The following RBM6 variants were observed in gnomAD, a reference collection of about 807,000 sequenced individuals.
RBM6 encodes the protein RNA binding motif protein 6.
A neutral mutation model predicts 140.4 loss-of-function variants in RBM6; 23 were observed. The ratio of observed to expected loss-of-function variants is 0.16; its 90% confidence interval spans 0.12 to 0.23. The LOEUF (loss-of-function observed/expected upper bound fraction) is 0.23, where lower values mean the gene tolerates loss of function less well. RBM6 is among the 10% of genes least tolerant of loss of function. RBM6 has a pLI of 1.00. For missense variants in RBM6, 1,139 were observed against 1,386.7 expected (o/e 0.82, Z 2.84); for synonymous variants, 439 against 475.6 (o/e 0.92, Z 1.00).
intron 5 of RBM6, among the ~76,000 whole-genome samples, chr3:49,977,755 A>C (rs572873145): frequency 6.6e-6 from 1 of 152,228 alleles, no homozygotes; most frequent in African/African-American, 2.4e-5. Context: ...TAGGTCTTAC[A>C]TATCTGTTGA....
chr3:50,008,239 G>A (rs2086676288), intron 6 of RBM6, among the ~76,000 whole-genome samples: 1 of 152,064 alleles, frequency 6.6e-6, no homozygotes, highest in African/African-American at 2.4e-5. Context: ...CAGTTTTAAG[G>A]GAACCTTCTG....
intron 6 of RBM6, among the ~76,000 whole-genome samples, chr3:50,011,600 A>G (rs934924202): frequency 4.6e-5 from 7 of 152,260 alleles, no homozygotes; most frequent in Admixed American, 3.3e-4. Flanking sequence ...TGCTCTCCAC[A>G]TATGTCTTTC....
At chr3:50,025,294 G>A (rs1476717939) in intron 6 of RBM6, among the ~76,000 whole-genome samples, 1 of 151,386 alleles carries the variant, frequency 6.6e-6, no homozygotes, top group Non-Finnish European at 1.5e-5. Context: ...GTGGTGATGG[G>A]CACCTGTAAT....
At chr3:50,016,914 C>T (rs2087192874) in intron 6 of RBM6, among the ~76,000 whole-genome samples, 1 of 151,338 alleles carries the variant, frequency 6.6e-6, no homozygotes, top group Non-Finnish European at 1.5e-5. Flanking sequence ...CAATCTCTGC[C>T]TCCCGGGTTC....
intron 20 of RBM6, among the ~76,000 whole-genome samples, chr3:50,076,274 A>G (rs1050685560): frequency 6.6e-6 from 1 of 150,612 alleles, no homozygotes; most frequent in African/African-American, 2.4e-5. Flanking sequence ...CGGCCAAAAG[A>G]TTCTTTAAAA....
chr3:49,966,219 A>G (rs1025688326), intron 2 of RBM6, among the ~76,000 whole-genome samples: 6 of 152,240 alleles, frequency 3.9e-5, no homozygotes, highest in African/African-American at 1.4e-4. Context: ...GAATTTTAGT[A>G]TAGTAGCATA....
Position 49,968,452 on chromosome 3 carries a change from G to A in RBM6, c.1027G>A (p.Glu343Lys). The change falls in exon 3 of 21, where the codon GAA becomes AAA. Residue 343 changes from glutamate to lysine, a missense_variant. Around this residue, in one of 9 missense-constraint regions of RBM6, gnomAD observed 566 missense variants for 612.7 expected, o/e 0.92. Transcript: ENST00000266022. ...TGAGCATTCAGAAACAAGAGAAGGA[G>A]AAACACAAGGTGTAGCCTTTGAACA... is the stretch of plus-strand genomic sequence containing the variant. ...EFEHSETREGETQGVAFEHES... is the reference protein window; with the variant it reads ...EFEHSETREGKTQGVAFEHES... The A allele has an allele frequency of 6.2e-7, 1 of 1,614,196 alleles. No individual in the cohort carries two copies.
At chr3:50,033,036 C>G (rs1406986890) in intron 6 of RBM6, among the ~76,000 whole-genome samples, 1 of 151,764 alleles carries the variant, frequency 6.6e-6, no homozygotes, top group Non-Finnish European at 1.5e-5. Context: ...CAAGCTCATG[C>G]CTGTAATCAC....
At chr3:49,942,415 A>G (rs531550495) in intron 1 of RBM6, among the ~76,000 whole-genome samples, 2 of 149,562 alleles carry the variant, frequency 1.3e-5, no homozygotes, top group African/African-American at 4.9e-5. Flanking sequence ...TGTGAACCCG[A>G]GAGGCGGAGC....
intron 6 of RBM6, among the ~76,000 whole-genome samples, chr3:50,024,790 AAAAAT>A (rs1431981900): frequency 6.6e-6 from 1 of 152,090 alleles, no homozygotes; most frequent in African/African-American, 2.4e-5. Context: ...CGTCTCTACT[AAAAAT>A]ACAAAAAATT....
chr3:50,056,775 A>G (rs991627340), intron 8 of RBM6, among the ~76,000 whole-genome samples: 1 of 152,218 alleles, frequency 6.6e-6, no homozygotes, highest in African/African-American at 2.4e-5. Flanking sequence ...ATGTGCCCCT[A>G]ATTATAAAAC....
chr3:49,974,391 A>G lies in RBM6; in HGVS notation c.1414-932A>G, dbSNP rs1458442820. Among the ~76,000 whole-genome samples the G allele has an allele frequency of 3.2e-3, 425 of 132,658 alleles. 3 individuals carry two copies. Among genetic ancestry groups the G allele is most frequent in the African/African-American group, 0.011 (389 of 34,532 alleles). The allele number at this position is 132,658 out of a possible 152,430, so 87.0% of individuals were successfully genotyped here. On this transcript the variant is annotated intron_variant, in intron 4 of 20. Coordinates refer to ENST00000266022, the MANE Select transcript of RBM6 (RefSeq NM_005777.3). ...CTGGCTAATTTTTTTTTTTTTTTTG[A>G]GATGGAGTCTCGCTCTGTTGCCCAG...
chr3:49,966,309 C>T (rs989279375), intron 2 of RBM6, among the ~76,000 whole-genome samples: 36 of 152,162 alleles, frequency 2.4e-4, no homozygotes, highest in Non-Finnish European at 1.0e-4. Flanking sequence ...TATCTTAATG[C>T]TTTTGTTTTA....
chr3:49,972,176 C>T (rs1252135664), intron 4 of RBM6, 28 bp downstream of exon 4: 1 of 1,512,292 alleles, frequency 6.6e-7, no homozygotes, highest in Non-Finnish European at 9.0e-7. Flanking sequence ...TCCTGTTTCT[C>T]TGTGTCAATT....
At chr3:50,006,716 A>G (rs2086596287) in intron 6 of RBM6, among the ~76,000 whole-genome samples, 1 of 151,854 alleles carries the variant, frequency 6.6e-6, no homozygotes, top group African/African-American at 2.4e-5. Context: ...GCGGATCACG[A>G]GGTCAGGAGA....
chr3:50,053,172 A>T (rs2089546500), intron 7 of RBM6, among the ~76,000 whole-genome samples: 1 of 152,096 alleles, frequency 6.6e-6, no homozygotes, highest in Non-Finnish European at 1.5e-5. Flanking sequence ...CATGAAGTTT[A>T]TTGGGGTTGT....
At chr3:49,985,245 G>T (rs540052332) in intron 5 of RBM6, among the ~76,000 whole-genome samples, 1 of 152,324 alleles carries the variant, frequency 6.6e-6, no homozygotes, top group African/African-American at 2.4e-5. Flanking sequence ...CCCAGCTTCA[G>T]TCTAGGCAGG....
chr3:50,075,110 C>T (rs893690157), intron 19 of RBM6, 91 bp from the exon 20 acceptor site: 355 of 1,442,690 alleles, frequency 2.5e-4, no homozygotes, highest in Non-Finnish European at 3.1e-4. Context: ...AAGCTGAGTT[C>T]GAGCCATTGC....
intron 6 of RBM6, among the ~76,000 whole-genome samples, chr3:50,025,643 G>C (rs906106451): frequency 6.9e-6 from 1 of 145,618 alleles, no homozygotes; most frequent in Non-Finnish European, 1.5e-5. Context: ...CAGGCTGGTT[G>C]GGAACTCCTG....
Sources: allele counts gnomAD v4.1 joint callset (sites outside exome capture counted in the v4.1 genomes callset), GRCh38; gene constraint gnomAD v4.1.1; regional missense constraint gnomAD v4.1.1; transcripts MANE v1.5; gene names NCBI Gene and HGNC (gene_info 2026-07-23, HGNC 2026-07-21).